The following FAM53B variants were observed in gnomAD, a reference collection of about 807,000 sequenced individuals.
FAM53B encodes family with sequence similarity 53 member B.
Under a neutral mutation model 32.7 loss-of-function variants are expected in FAM53B, and 12 were observed. The ratio of observed to expected loss-of-function variants is 0.37; its 90% CI spans 0.24 to 0.59. The LOEUF is 0.59. FAM53B is among the 20% of genes least tolerant of loss of function. The pLI is 0.72. For synonymous variants in FAM53B, 234 were observed against 228.7 expected, an observed-to-expected ratio of 1.02 and a Z score of -0.21; for missense variants, 477 against 577.7, an observed-to-expected ratio of 0.83 and a Z score of 1.79.
intron 4 of FAM53B, among the ~76,000 whole-genome samples, chr10:124,642,230 G>GGGCAAGCCATGCCATGGCAT (rs1949480530): frequency 6.6e-6 from 1 of 152,218 alleles, no homozygotes; most frequent in African/African-American, 2.4e-5. Flanking sequence ...GAGGCTTTAC[G>GGGCAAGCCATGCCATGGCAT]GGCAAGCTGC....
chr10:124,630,176 G>C (rs1949381281), intron 4 of FAM53B, among the ~76,000 whole-genome samples: 1 of 152,262 alleles, frequency 6.6e-6, no homozygotes, highest in African/African-American at 2.4e-5. Flanking sequence ...ACTTTGGGAG[G>C]CCAAGGCAGG....
At chr10:124,703,229 T>C (rs747929770) in intron 2 of FAM53B, among the ~76,000 whole-genome samples, 3 of 152,142 alleles carry the variant, frequency 2.0e-5, no homozygotes, top group South Asian at 2.1e-4. Context: ...TTTGTATTTT[T>C]AGCAGAGACG....
At chr10:124,624,741 G>A (rs61418433) in intron 4 of FAM53B, among the ~76,000 whole-genome samples, 17,381 of 140,388 alleles carry the variant, frequency 0.12, 1,093 homozygotes, top group East Asian at 0.25. Flanking sequence ...CTGACACTGT[G>A]CACAAGTGGG....
At chr10:124,649,099 G>A (rs375848356) in intron 4 of FAM53B, among the ~76,000 whole-genome samples, 4 of 152,332 alleles carry the variant, frequency 2.6e-5, no homozygotes, top group African/African-American at 7.2e-5. Flanking sequence ...AAGTGACCCA[G>A]GGCAAAGGAC....
chr10:124,692,743 A>C (rs1445230533), intron 3 of FAM53B, among the ~76,000 whole-genome samples: 1 of 141,714 alleles, frequency 7.1e-6, no homozygotes, highest in African/African-American at 2.6e-5. Flanking sequence ...AAAAAAAGGC[A>C]TTGTTGTGAA....
At position 124,744,238 on chromosome 10, in the gene FAM53B, C is replaced by T. The variant is rs1416505078; in HGVS notation, c.-400G>A. 6.8e-6 allele frequency: 1 copy of T among 147,224 alleles called. No individual in the cohort carries two copies. The highest frequency in any genetic ancestry group is 1.5e-5 in the Non-Finnish European group (1 of 66,124). 9.1% of individuals were successfully genotyped at this position (147,224 alleles called of 1,614,324 possible). ...CCGGCCAGGCCGCCCGCACCCGCCG[C>T]CGCCGCGGAGCCGCCAGACCGCGGC... On this transcript the variant is annotated 5_prime_UTR_variant, in exon 1 of 5. Transcript: ENST00000337318.
chr10:124,675,363 G>C (rs1290185014), intron 4 of FAM53B, among the ~76,000 whole-genome samples: 2 of 152,222 alleles, frequency 1.3e-5, no homozygotes, highest in African/African-American at 4.8e-5. Flanking sequence ...GCCACAGCTG[G>C]CAGGATCCCG....
intron 4 of FAM53B, among the ~76,000 whole-genome samples, chr10:124,673,435 C>A (rs1048981955): frequency 4.6e-5 from 7 of 152,212 alleles, no homozygotes; most frequent in Non-Finnish European, 8.8e-5. Context: ...ACCCTATATA[C>A]TAGAACAGGC....
intron 1 of FAM53B, among the ~76,000 whole-genome samples, chr10:124,711,882 T>A (rs1249703359): frequency 2.0e-5 from 3 of 150,268 alleles, no homozygotes; most frequent in Non-Finnish European, 4.4e-5. Flanking sequence ...CAAGACTCCA[T>A]CTCTACAAAA....
intron 4 of FAM53B, among the ~76,000 whole-genome samples, chr10:124,626,166 C>T (rs3781475): frequency 0.072 from 10,938 of 152,330 alleles, 590 homozygotes; most frequent in South Asian, 0.18. Context: ...TGGCCTGCTG[C>T]GAGTGTTTTC....
chr10:124,697,898 C>T (rs900314133), intron 2 of FAM53B, among the ~76,000 whole-genome samples: 2 of 151,856 alleles, frequency 1.3e-5, no homozygotes, highest in African/African-American at 4.8e-5. Context: ...GGGAAGAATT[C>T]AAAATGGCTG....
chr10:124,647,401 AG>A (rs1434942489), intron 4 of FAM53B, among the ~76,000 whole-genome samples: 1 of 152,160 alleles, frequency 6.6e-6, no homozygotes, highest in African/African-American at 2.4e-5. Context: ...CAGATTTTTC[AG>A]GGTCTCAAGC....
chr10:124,641,003 C>T (rs573992171), intron 4 of FAM53B, among the ~76,000 whole-genome samples: 2 of 152,310 alleles, frequency 1.3e-5, no homozygotes, highest in Non-Finnish European at 2.9e-5. Flanking sequence ...GAGCATACCC[C>T]GCCTAGGTGA....
chr10:124,727,214 C>G (rs1247225760), intron 1 of FAM53B, among the ~76,000 whole-genome samples: 1 of 150,718 alleles, frequency 6.6e-6, no homozygotes, highest in Non-Finnish European at 1.5e-5. Flanking sequence ...GATGGGTTTT[C>G]TCTACGTTGA....
chr10:124,646,369 C>T (rs192413053), intron 4 of FAM53B, among the ~76,000 whole-genome samples: 2 of 152,356 alleles, frequency 1.3e-5, no homozygotes, highest in African/African-American at 4.8e-5. Flanking sequence ...CAAACATCTT[C>T]CCCAGGCCTC....
intron 2 of FAM53B, chr10:124,703,751 C>G (rs540791386): frequency 2.0e-5 from 3 of 152,518 alleles, no homozygotes; most frequent in Admixed American, 6.5e-5. Context: ...CAAAAAGCAG[C>G]AGAAAGAAGG....
chr10:124,644,755 G>C (rs886571108), intron 4 of FAM53B, among the ~76,000 whole-genome samples: 15 of 152,292 alleles, frequency 9.8e-5, no homozygotes, highest in African/African-American at 3.6e-4. Flanking sequence ...TGGCAGCAGG[G>C]ATGGGCATGG....
At chr10:124,727,330 T>TGGGGGGGGGGG (rs35254075) in intron 1 of FAM53B, among the ~76,000 whole-genome samples, 1 of 89,180 alleles carries the variant, frequency 1.1e-5, no homozygotes, top group African/African-American at 4.9e-5. Flanking sequence ...TGAGTGATTG[T>TGGGGGGGGGGG]GGGGGGGGGG....
At chr10:124,737,862 G>A (rs1202024271) in intron 1 of FAM53B, among the ~76,000 whole-genome samples, 2 of 152,272 alleles carry the variant, frequency 1.3e-5, no homozygotes, top group Admixed American at 6.5e-5. Context: ...GGGGCACACG[G>A]TATGCCAAAT....
Sources: gnomAD v4.1 joint callset for allele counts (sites outside exome capture counted in the v4.1 genomes callset) on GRCh38, gnomAD v4.1.1 for gene constraint, MANE v1.5 for transcripts, NCBI Gene and HGNC (gene_info 2026-07-23, HGNC 2026-07-21) for gene names.